The following FGF12 variants were observed in gnomAD, a reference collection of about 807,000 sequenced individuals.
FGF12 encodes fibroblast growth factor 12, also known as fibroblast growth factor 12B.
A neutral mutation model predicts 23.6 loss-of-function variants in FGF12; 14 were observed. The ratio of observed to expected loss-of-function variants is 0.59; its 90% CI spans 0.39 to 0.93. The LOEUF (loss-of-function observed/expected upper bound fraction) is 0.93. Ranked by LOEUF, FGF12 falls within the 40% of genes least tolerant of loss-of-function variation. The pLI is 0.00. For missense variants in FGF12, 175 were observed against 217.8 expected, an observed-to-expected ratio of 0.80 and a Z score of 1.24; for synonymous variants, 62 against 77.3, an observed-to-expected ratio of 0.80 and a Z score of 1.04.
At chr3:192,702,253 T>A (rs1325318241) in intron 2 of FGF12, among the ~76,000 whole-genome samples, 1 of 152,200 alleles carries the variant, frequency 6.6e-6, no homozygotes, top group African/African-American at 2.4e-5. Context: ...AGTTTCTTCA[T>A]CCATTTACCT....
chr3:192,372,657 C>T (rs1191529209), intron 2 of FGF12, among the ~76,000 whole-genome samples: 2 of 152,122 alleles, frequency 1.3e-5, no homozygotes, highest in Non-Finnish European at 2.9e-5. Flanking sequence ...CCATCGAGTG[C>T]TCTGGGCTAG....
intron 2 of FGF12, among the ~76,000 whole-genome samples, chr3:192,437,826 TAA>T (rs1253769610): frequency 6.6e-6 from 1 of 152,194 alleles, no homozygotes; most frequent in Non-Finnish European, 1.5e-5. Flanking sequence ...CCCTCTCACT[TAA>T]AGTCTCCAGC....
intron 4 of FGF12, among the ~76,000 whole-genome samples, chr3:192,274,518 T>C (rs1008537900): frequency 2.6e-5 from 4 of 152,056 alleles, no homozygotes; most frequent in African/African-American, 9.7e-5. Context: ...AAAAACTATT[T>C]GGTGTAAACC....
Position 192,167,753 on chromosome 3 carries a change from AT to A in FGF12, c.427+2704del, listed in dbSNP as rs1560175587. On this transcript the variant is annotated intron_variant, in intron 5 of 5. Coordinates refer to ENST00000445105, the MANE Select transcript of FGF12 (RefSeq NM_004113.6). ...TAGGTATATATATATATATATATAT[AT>A]ATATATATATATATAAAATTTTTTT... Among the ~76,000 whole-genome samples the A allele has an allele frequency of 1.0e-3, 28 of 27,568 alleles. 1 individual carries two copies. In the South Asian group the frequency reaches 0.012, roughly 12 times the overall value. 18.1% of individuals were successfully genotyped at this position (27,568 alleles called of 152,430 possible).
chr3:192,172,826 C>A (rs1242351028), intron 4 of FGF12, among the ~76,000 whole-genome samples: 1 of 150,900 alleles, frequency 6.6e-6, no homozygotes, highest in Non-Finnish European at 1.5e-5. Flanking sequence ...TATGTCCACA[C>A]AAAAACTTGT....
intron 4 of FGF12, among the ~76,000 whole-genome samples, chr3:192,216,070 ATAACACAGTAAATT>A (rs1267377368): frequency 6.6e-6 from 1 of 152,196 alleles, no homozygotes; most frequent in Non-Finnish European, 1.5e-5. Flanking sequence ...AGGAGCTCAG[ATAACACAGTAAATT>A]TAGGAAAATT....
Position 192,404,221 on chromosome 3 carries a change from AC to A in FGF12, c.14-43684del, listed in dbSNP as rs1169805074. Among the ~76,000 whole-genome samples, 4 of 152,270 alleles carry A rather than the reference AC, an allele frequency of 2.6e-5. No homozygotes were observed. The East Asian group carries it at 7.7e-4, about 29-fold the overall frequency. On this transcript the variant is annotated intron_variant, in intron 2 of 5. Transcript: ENST00000445105. ...AGTTATATAGAAATATAATAAAAAC[AC>A]CCACATCACTTAAAATACCTAGATT...
At position 192,281,776 on chromosome 3, in the gene FGF12, GC is replaced by G. The variant is rs370651120; in HGVS notation, c.228+53584del. On this transcript the variant is annotated intron_variant, in intron 4 of 5. Transcript: ENST00000445105. ...CTTACCTAAAACATAACAAATATGTGCCTCAGCCCTCCCAAAGCTGTTCCCT... is the reference window on the plus strand; with the variant it reads ...CTTACCTAAAACATAACAAATATGTGCTCAGCCCTCCCAAAGCTGTTCCCT... 2.9e-3 allele frequency among the ~76,000 whole-genome samples: 438 copies of G among 152,160 alleles called. 3 individuals are homozygous for G. Among genetic ancestry groups the G allele is most frequent in the Middle Eastern group, 0.017 (5 of 294 alleles).
At position 192,234,780 on chromosome 3, in the gene FGF12, C is replaced by G. The variant is rs80254288; in HGVS notation, c.229-64124G>C. ...TGTTGAATTTTATTAGAAGCCTTTT[C>G]TGTGTCTATTGAGATGATCATGTAA... On this transcript the variant is annotated intron_variant, in intron 4 of 5. Coordinates refer to ENST00000445105, the MANE Select transcript of FGF12 (RefSeq NM_004113.6). 1.9e-4 allele frequency among the ~76,000 whole-genome samples: 29 copies of G among 152,206 alleles called. No individual in the cohort carries two copies. In the East Asian group the frequency reaches 5.4e-3, roughly 28 times the overall value.
chr3:192,668,163 A>G (rs1020511436), intron 2 of FGF12, among the ~76,000 whole-genome samples: 5 of 151,826 alleles, frequency 3.3e-5, no homozygotes, highest in African/African-American at 1.2e-4. Context: ...TCCATCTTCC[A>G]CTCTGAACTC....
At position 192,436,483 on chromosome 3, in the gene FGF12, G is replaced by A. The variant is rs565071169; in HGVS notation, c.14-75945C>T. ...TACTAGTGAGCTCCTGGGTGCTGCCGATGCTGCTGATGTGGGGCCCACAAT... is the reference window on the plus strand; with the variant it reads ...TACTAGTGAGCTCCTGGGTGCTGCCAATGCTGCTGATGTGGGGCCCACAAT... On this transcript the variant is annotated intron_variant, in intron 2 of 5. Transcript: ENST00000445105. 7.2e-5 allele frequency among the ~76,000 whole-genome samples: 11 copies of A among 152,306 alleles called. No homozygotes were observed. In the East Asian group the frequency reaches 1.3e-3, roughly 19 times the overall value.
intron 4 of FGF12, among the ~76,000 whole-genome samples, chr3:192,192,705 C>G (rs549319123): frequency 6.6e-6 from 1 of 151,798 alleles, no homozygotes; most frequent in South Asian, 2.1e-4. Context: ...AGAAATAGGT[C>G]CTGAGTGAGA....
chr3:192,512,841 T>TATATATATATATATATATATATATATAC (rs1560135293), intron 2 of FGF12, among the ~76,000 whole-genome samples: 21 of 119,376 alleles, frequency 1.8e-4, no homozygotes, highest in African/African-American at 5.6e-4. Flanking sequence ...AATAAATATA[T>TATATATATATATATATATATATATATAC]ATATATATAT....
At chr3:192,192,480 TATAA>T (rs1378637170) in intron 4 of FGF12, among the ~76,000 whole-genome samples, 4 of 147,888 alleles carry the variant, frequency 2.7e-5, no homozygotes, top group Non-Finnish European at 4.5e-5. Flanking sequence ...AAATATATAA[TATAA>T]ATATATAATT....
At chr3:192,492,722 T>C (rs1190401393) in intron 2 of FGF12, among the ~76,000 whole-genome samples, 2 of 152,186 alleles carry the variant, frequency 1.3e-5, no homozygotes, top group African/African-American at 2.4e-5. Context: ...CACACCGATA[T>C]AACACAATTC....
chr3:192,638,190 T>C (rs1485493271), intron 2 of FGF12, among the ~76,000 whole-genome samples: 1 of 152,226 alleles, frequency 6.6e-6, no homozygotes, highest in Non-Finnish European at 1.5e-5. Context: ...GTGACTCTTA[T>C]CTAAACTATA....
At chr3:192,188,769 A>C (rs375703988) in intron 4 of FGF12, among the ~76,000 whole-genome samples, 2 of 152,216 alleles carry the variant, frequency 1.3e-5, no homozygotes, top group African/African-American at 4.8e-5. Flanking sequence ...GAATCATCAT[A>C]CTTATTTCAC....
At chr3:192,257,275 G>C (rs1712457994) in intron 4 of FGF12, among the ~76,000 whole-genome samples, 1 of 152,086 alleles carries the variant, frequency 6.6e-6, no homozygotes, top group Non-Finnish European at 1.5e-5. Flanking sequence ...TATAGAACCA[G>C]AATTTTGAAT....
intron 2 of FGF12, among the ~76,000 whole-genome samples, chr3:192,500,177 A>G (rs1431150018): frequency 6.6e-6 from 1 of 152,194 alleles, no homozygotes; most frequent in Non-Finnish European, 1.5e-5. Flanking sequence ...AGTAGAGCTG[A>G]CACAGATCTG....
Sources: gnomAD v4.1 joint callset for allele counts (sites outside exome capture counted in the v4.1 genomes callset) on GRCh38, gnomAD v4.1.1 for gene constraint, MANE v1.5 for transcripts, NCBI Gene and HGNC (gene_info 2026-07-23, HGNC 2026-07-21) for gene names.